Variants in PCDH15 observed in about 807,000 individuals in gnomAD.
PCDH15 encodes the protein protocadherin-15.
In PCDH15, 129 loss-of-function variants were observed where a neutral mutation model predicts 178.5. The observed-to-expected ratio is 0.72, with a 90% CI of 0.63 to 0.84. PCDH15 has a LOEUF of 0.84. Ranked by LOEUF, PCDH15 falls within the 40% of genes least tolerant of loss-of-function variation. PCDH15 has a pLI of 0.00. For synonymous variants in PCDH15, 800 were observed against 732.0 expected (o/e 1.09, Z -1.50); for missense variants, 2,230 against 2,099.9 (o/e 1.06, Z -1.21).
At chr10:54,243,375 C>T (rs1380293853) in intron 8 of PCDH15, among the ~76,000 whole-genome samples, 5 of 151,942 alleles carry the variant, frequency 3.3e-5, no homozygotes, top group East Asian at 3.9e-4. Context: ...GGCATGGTGG[C>T]GGGCGCCTGT....
intron 2 of PCDH15, among the ~76,000 whole-genome samples, chr10:55,469,762 T>C (rs537191500): frequency 6.6e-6 from 1 of 152,072 alleles, no homozygotes; most frequent in African/African-American, 2.4e-5. Flanking sequence ...CTGTTTATTA[T>C]ATTGCCACAA....
intron 3 of PCDH15, among the ~76,000 whole-genome samples, chr10:54,420,824 A>AT (rs1006825208): frequency 1.3e-5 from 2 of 152,004 alleles, no homozygotes; most frequent in African/African-American, 4.8e-5. Flanking sequence ...GGAAATCAGT[A>AT]TTTTTTTCTA....
intron 21 of PCDH15, among the ~76,000 whole-genome samples, chr10:53,987,354 C>T (rs2091178621): frequency 2.0e-5 from 3 of 151,888 alleles, no homozygotes; most frequent in Admixed American, 2.0e-4. Context: ...AAGTGTATAT[C>T]CTCAATAAAT....
intron 1 of PCDH15, among the ~76,000 whole-genome samples, chr10:55,179,118 T>C (rs1839571807): frequency 6.6e-6 from 1 of 152,138 alleles, no homozygotes; most frequent in Admixed American, 6.6e-5. Context: ...GCCATCAAAC[T>C]CCAAATGATC....
intron 2 of PCDH15, among the ~76,000 whole-genome samples, chr10:55,027,378 T>G (rs1384880768): frequency 6.6e-6 from 1 of 151,982 alleles, no homozygotes. Flanking sequence ...AGATATCTAC[T>G]TTCTCTTCTG....
In PCDH15 at chr10:54,362,876, A is replaced by G. The variant is rs1276560888; in HGVS notation, c.474+6244T>C. Among the ~76,000 whole-genome samples the G allele has an allele frequency of 2.0e-5, 3 of 152,044 alleles. No individual in the cohort carries two copies. The East Asian group carries it at 5.8e-4, about 29-fold the overall frequency. The stretch of plus-strand genomic sequence containing the variant: ...AGTTCATATTTATCAAGTTTTAAAA[A>G]GTGTTTTTTGTTGTTCTTGTCATTA... On this transcript the variant is annotated intron_variant, in intron 5 of 37. Transcript: ENST00000644397.
intron 20 of PCDH15, among the ~76,000 whole-genome samples, chr10:54,016,696 C>A (rs1261283840): frequency 2.0e-5 from 3 of 152,050 alleles, no homozygotes; most frequent in Admixed American, 2.0e-4. Context: ...CATAGGGACA[C>A]AAAGATGGGA....
rs1589130972 is a variant in PCDH15 at position 55,548,697 on chromosome 10, T to C, written c.-156+78928A>G. On this transcript the variant is annotated intron_variant, in intron 2 of 5. Coordinates refer to the PCDH15 transcript ENST00000613346. Reference sequence around the variant, plus strand: ...TAGCAACAGTACACAGAAAGTCTTTTCCATGAGTACTTTCTGCACAGCAAA... The same window carrying C: ...TAGCAACAGTACACAGAAAGTCTTTCCCATGAGTACTTTCTGCACAGCAAA... Among the ~76,000 whole-genome samples, 5 of 152,250 alleles carry C rather than the reference T, an allele frequency of 3.3e-5. No individual in the cohort carries two copies. The South Asian group carries it at 8.3e-4, about 25-fold the overall frequency.
intron 2 of PCDH15, among the ~76,000 whole-genome samples, chr10:55,440,955 C>G (rs1197708971): frequency 6.6e-6 from 1 of 152,122 alleles, no homozygotes; most frequent in African/African-American, 2.4e-5. Context: ...ACCATGAGAA[C>G]AGTATAGGGC....
intron 2 of PCDH15, among the ~76,000 whole-genome samples, chr10:55,119,925 A>C (rs887591161): frequency 2.0e-5 from 3 of 152,176 alleles, no homozygotes; most frequent in East Asian, 3.8e-4. Flanking sequence ...GATTATTTTT[A>C]AAATATGCAA....
chr10:53,956,648 G>A (rs942141015), intron 23 of PCDH15, among the ~76,000 whole-genome samples: 9 of 152,190 alleles, frequency 5.9e-5, no homozygotes, highest in Non-Finnish European at 2.9e-5. Flanking sequence ...GTGTACAGTT[G>A]TGTATATTAT....
At chr10:55,377,414 C>T (rs1468575751) in intron 2 of PCDH15, among the ~76,000 whole-genome samples, 3 of 151,680 alleles carry the variant, frequency 2.0e-5, no homozygotes, top group Non-Finnish European at 2.9e-5. Flanking sequence ...GAAAGGAAAA[C>T]AAGTATTCCT....
intron 3 of PCDH15, among the ~76,000 whole-genome samples, chr10:54,515,800 G>A (rs921600716): frequency 6.6e-5 from 10 of 152,196 alleles, no homozygotes; most frequent in African/African-American, 2.4e-4. Context: ...GGACCCATCA[G>A]GCAGCAGCAT....
intron 1 of PCDH15, 47 bp from the exon 2 acceptor site, chr10:54,664,337 C>G: frequency 2.5e-6 from 3 of 1,178,080 alleles, no homozygotes; most frequent in Non-Finnish European, 3.7e-6. Context: ...GTTCATTAAT[C>G]TGTTATAGGT....
At chr10:55,240,823 C>A (rs922389621) in intron 1 of PCDH15, among the ~76,000 whole-genome samples, 5 of 152,132 alleles carry the variant, frequency 3.3e-5, no homozygotes, top group African/African-American at 1.2e-4. Flanking sequence ...TATTACCAAG[C>A]ATTCTTCAAA....
intron 3 of PCDH15, among the ~76,000 whole-genome samples, chr10:54,836,516 C>G (rs1349142216): frequency 6.6e-6 from 1 of 151,980 alleles, no homozygotes; most frequent in Non-Finnish European, 1.5e-5. Flanking sequence ...GTTGTAATAA[C>G]TAAGCAATAA....
At chr10:54,617,465 G>A (rs2093205075) in intron 2 of PCDH15, among the ~76,000 whole-genome samples, 1 of 151,990 alleles carries the variant, frequency 6.6e-6, no homozygotes, top group South Asian at 2.1e-4. Flanking sequence ...TTTACTATAT[G>A]TATATGGAAA....
intron 26 of PCDH15, among the ~76,000 whole-genome samples, chr10:53,877,125 T>C (rs932460258): frequency 7.2e-5 from 11 of 152,148 alleles, no homozygotes; most frequent in Admixed American, 6.5e-4. Flanking sequence ...AGGACTTGCA[T>C]GTATGTTATA....
chr10:55,440,246 G>A (rs1839147478), intron 2 of PCDH15, among the ~76,000 whole-genome samples: 1 of 152,144 alleles, frequency 6.6e-6, no homozygotes, highest in Non-Finnish European at 1.5e-5. Context: ...CAACACAGCT[G>A]TGAGGAATAC....
Sources: allele counts gnomAD v4.1 joint callset (sites outside exome capture counted in the v4.1 genomes callset), GRCh38; gene constraint gnomAD v4.1.1; transcripts MANE v1.5; gene names NCBI Gene and HGNC (gene_info 2026-07-23, HGNC 2026-07-21).